Variants in GPLD1 observed in about 807,000 individuals in gnomAD.
GPLD1 encodes glycosylphosphatidylinositol specific phospholipase D1.
In GPLD1, 84 loss-of-function variants were observed where a neutral mutation model predicts 112.6. The ratio of observed to expected loss-of-function variants is 0.75; its 90% CI spans 0.63 to 0.89. The LOEUF is 0.89. Among genes scored for constraint, GPLD1 ranks in the 40% least tolerant of loss-of-function variants. The probability of loss-of-function intolerance (pLI) is 0.00; values close to 1 mark genes in which losing one functional copy is unlikely to be tolerated. For synonymous variants in GPLD1, 386 were observed against 403.8 expected (o/e 0.96, Z 0.53); for missense variants, 1,044 against 1,051.5 (o/e 0.99, Z 0.10).
intron 18 of GPLD1, 124 bp downstream of exon 18, chr6:24,446,714 G>C: frequency 1.1e-6 from 1 of 891,244 alleles, no homozygotes; most frequent in East Asian, 2.9e-5. Flanking sequence ...CCAGAGCCTT[G>C]GCTTTTCCTT....
chr6:24,495,033 C>A, exon 1 of GPLD1: 2 of 1,347,918 alleles, frequency 1.5e-6, no homozygotes, highest in East Asian at 2.8e-5. Context: ...CTGTGGGGCC[C>A]GGCGCCTCGG....
rs577697729 is a variant in GPLD1 at position 24,431,681 on chromosome 6, T to C, written c.2436+1506A>G. ...TCCCGAATAGCTGAGACTATAGGCA[T>C]GCACCACCACGCCGGGCTATTTTTT... On this transcript the variant is annotated intron_variant, in intron 24 of 24. Transcript: ENST00000230036. Among the ~76,000 whole-genome samples, 25 of 152,040 alleles carry C rather than the reference T, an allele frequency of 1.6e-4. 1 individual carries two copies. In the South Asian group the frequency reaches 4.8e-3, roughly 29 times the overall value.
intron 14 of GPLD1, among the ~76,000 whole-genome samples, chr6:24,451,950 G>A (rs569609458): frequency 2.6e-3 from 393 of 152,330 alleles, no homozygotes; most frequent in African/African-American, 8.7e-3. Flanking sequence ...GGGCCAGCCA[G>A]TCATTCCGAG....
At position 24,433,231 on chromosome 6, in the gene GPLD1, A is replaced by G. The variant is rs756638899; in HGVS notation, c.2392T>C (p.Ser798Pro). Residue 798 changes from serine (S) to proline (P), a missense_variant, in exon 24 of 25, where the codon TCA (serine) becomes CCA (proline). By Grantham distance (74) the Ser-to-Pro change is moderately conservative. Transcript: ENST00000230036. Reference protein sequence around the residue: ...QYVLISPEASSRFGSSLITVR... With the variant: ...QYVLISPEASPRFGSSLITVR... ...GTGATGAGGGAGCTCCCAAACCTTG[A>G]GCTGGCCTGTAAAACATGCCGTCTG... The G allele has an allele frequency of 3.5e-5, 57 of 1,613,150 alleles. No individual in the cohort carries two copies. The South Asian group carries it at 6.0e-4, about 17-fold the overall frequency.
chr6:24,491,255 T>TGAGG (rs1222912389), upstream of GPLD1, among the ~76,000 whole-genome samples: 4 of 152,236 alleles, frequency 2.6e-5, no homozygotes, highest in Non-Finnish European at 2.9e-5. Context: ...AGACTGTGCG[T>TGAGG]GAGGGAGTCA....
chr6:24,454,039 G>C lies in GPLD1; in HGVS notation c.1311C>G (p.Ala437=). Residue 437 remains alanine (A), a synonymous_variant, in exon 14 of 25, where the codon GCC becomes GCG. Transcript: ENST00000230036. ...PPVDLDLDKE[A]HRILEGFQPS... is the part of the protein sequence containing the mutation. ...CCTGGAAGCCTTCAAGGATCCTGTG[G>C]GCCTCCTTGTCCAGGTCCAGGTCAA... 6.2e-7 allele frequency: 1 copy of C among 1,611,678 alleles called. No individual in the cohort carries two copies. The highest frequency in any genetic ancestry group is 1.1e-5 in the South Asian group (1 of 90,872).
At chr6:24,444,087 C>G (rs554116072) in intron 20 of GPLD1, among the ~76,000 whole-genome samples, 10 of 152,246 alleles carry the variant, frequency 6.6e-5, no homozygotes, top group South Asian at 6.2e-4. Context: ...AGATTAGAAC[C>G]TCTACTCCAG....
intron 20 of GPLD1, among the ~76,000 whole-genome samples, chr6:24,438,765 A>G (rs1042389703): frequency 2.0e-5 from 3 of 149,568 alleles, no homozygotes; most frequent in Admixed American, 1.3e-4. Flanking sequence ...AAAAGTTGAA[A>G]TAAGAGAAAA....
intron 21 of GPLD1, 22 bp from the exon 22 acceptor site, chr6:24,436,758 A>C: frequency 6.2e-7 from 1 of 1,610,954 alleles, no homozygotes; most frequent in Non-Finnish European, 8.5e-7. Flanking sequence ...AAAAACCGAC[A>C]GAAGGAAGTA....
intron 20 of GPLD1, among the ~76,000 whole-genome samples, chr6:24,438,785 C>CTTTT (rs200314335): frequency 6.6e-6 from 1 of 150,764 alleles, no homozygotes; most frequent in Non-Finnish European, 1.5e-5. Flanking sequence ...ATCTTCATTC[C>CTTTT]TTTTTCTTTT....
At chr6:24,456,325 A>G (rs1763267754) in intron 13 of GPLD1, among the ~76,000 whole-genome samples, 173 bp downstream of exon 13, 1 of 152,156 alleles carries the variant, frequency 6.6e-6, no homozygotes, top group African/African-American at 2.4e-5. Flanking sequence ...TGAACCTGGG[A>G]GGCAGAGGTT....
At chr6:24,482,820 A>G (rs887653151) in intron 2 of GPLD1, among the ~76,000 whole-genome samples, 57 of 152,084 alleles carry the variant, frequency 3.7e-4, no homozygotes, top group African/African-American at 1.3e-3. Context: ...TTAGCCAAAC[A>G]TGGTGGTGCA....
chr6:24,494,257 T>C (rs138240113), upstream of GPLD1, among the ~76,000 whole-genome samples: 1 of 152,188 alleles, frequency 6.6e-6, no homozygotes, highest in East Asian at 1.9e-4. Context: ...CAAAATGGGG[T>C]AGATATGGTT....
chr6:24,426,334 AT>A lies in GPLD1; in HGVS notation c.*2697del, dbSNP rs1762236483. On this transcript the variant is annotated 3_prime_UTR_variant, in exon 25 of 25. Transcript: ENST00000230036. ...AAAATTTAATCCATGTATCAGGATAATATATTAGACTGTCATGCATTAATTT... is the reference window on the plus strand; with the variant it reads ...AAAATTTAATCCATGTATCAGGATAAATATTAGACTGTCATGCATTAATTT... 1 of 152,200 alleles carries A rather than the reference AT, an allele frequency of 6.6e-6. No homozygotes were observed. The highest frequency in any genetic ancestry group is 2.1e-4 in the South Asian group (1 of 4,828). 9.4% of individuals were successfully genotyped at this position (152,200 alleles called of 1,614,324 possible). A position where few individuals can be genotyped will look rare whatever the true frequency, so the allele number is the denominator to read the frequency against.
chr6:24,491,257 A>T (rs1026603189), upstream of GPLD1, among the ~76,000 whole-genome samples: 1 of 152,196 alleles, frequency 6.6e-6, no homozygotes, highest in Non-Finnish European at 1.5e-5. Flanking sequence ...ACTGTGCGTG[A>T]GGGAGTCACA....
At chr6:24,425,419 TA>T (rs1434990891), downstream of GPLD1, 1 of 152,250 alleles carries the variant, frequency 6.6e-6, no homozygotes, top group Non-Finnish European at 1.5e-5. Context: ...AAAAATAATG[TA>T]ACTACCTCAT....
chr6:24,489,606 C>G, upstream of GPLD1: 1 of 1,566,254 alleles, frequency 6.4e-7, no homozygotes, highest in Non-Finnish European at 8.6e-7. Flanking sequence ...CCCACCGCTT[C>G]TCTCTAAGCA....
chr6:24,479,666 T>C (rs575042674), intron 3 of GPLD1, among the ~76,000 whole-genome samples: 74 of 152,374 alleles, frequency 4.9e-4, no homozygotes, highest in Admixed American at 7.8e-4. Flanking sequence ...TATGCTTAAC[T>C]AGGTCAGTTA....
intron 12 of GPLD1, among the ~76,000 whole-genome samples, chr6:24,458,267 C>T (rs891940801): frequency 6.6e-6 from 1 of 152,104 alleles, no homozygotes; most frequent in Admixed American, 6.6e-5. Context: ...ATCTTTCAGG[C>T]ACGAGTATGC....
Sources: allele counts gnomAD v4.1 joint callset (sites outside exome capture counted in the v4.1 genomes callset), GRCh38; gene constraint gnomAD v4.1.1; transcripts MANE v1.5; gene names NCBI Gene and HGNC (gene_info 2026-07-23, HGNC 2026-07-21).